Variants in NUP93 observed in about 807,000 individuals in gnomAD.
The protein encoded by NUP93 is nucleoporin 93.
A neutral mutation model predicts 107.8 loss-of-function variants in NUP93; 55 were observed. The observed-to-expected ratio is 0.51, with a 90% CI of 0.41 to 0.64. The LOEUF is 0.64. Among genes scored for constraint, NUP93 ranks in the 30% least tolerant of loss-of-function variants. The pLI is 0.00. For synonymous variants in NUP93, 390 were observed against 397.5 expected, an observed-to-expected ratio of 0.98 and a Z score of 0.22; for missense variants, 937 against 1,044.7, an observed-to-expected ratio of 0.90 and a Z score of 1.42.
chr16:56,778,101 C>T lies in NUP93; in HGVS notation c.297+19446C>T, dbSNP rs139359131. 4.6e-3 allele frequency among the ~76,000 whole-genome samples: 696 copies of T among 152,222 alleles called. 5 individuals carry two copies. The highest frequency in any genetic ancestry group is 0.015 in the African/African-American group (643 of 41,516). ...AAACTGTCCAAGCTGTGAAAAGTGA[C>T]GGACAGACTGAATGAGAGCGACACA... On this transcript the variant is annotated intron_variant, in intron 3 of 21. Coordinates refer to ENST00000308159, the MANE Select transcript of NUP93 (RefSeq NM_014669.5).
chr16:56,806,565 C>G (rs1963146067), intron 5 of NUP93, among the ~76,000 whole-genome samples: 3 of 152,142 alleles, frequency 2.0e-5, no homozygotes, highest in Admixed American at 2.0e-4. Flanking sequence ...CAAGGAGCAT[C>G]TACTCACAAG....
At chr16:56,836,224 A>C (rs1963907288) in intron 16 of NUP93, among the ~76,000 whole-genome samples, 1 of 151,896 alleles carries the variant, frequency 6.6e-6, no homozygotes, top group Non-Finnish European at 1.5e-5. Context: ...CAAATCCAAA[A>C]TTTTTCAGAT....
At chr16:56,836,431 C>CTT (rs1195341084) in intron 16 of NUP93, among the ~76,000 whole-genome samples, 170 bp from the exon 17 acceptor site, 1 of 152,162 alleles carries the variant, frequency 6.6e-6, no homozygotes, top group Non-Finnish European at 1.5e-5. Flanking sequence ...TTTAATAGGA[C>CTT]TTTATATCTT....
At chr16:56,795,416 C>A (rs1962874767) in intron 3 of NUP93, among the ~76,000 whole-genome samples, 1 of 152,090 alleles carries the variant, frequency 6.6e-6, no homozygotes, top group African/African-American at 2.4e-5. Flanking sequence ...TCTGGGTCCC[C>A]TGTGATAGCC....
chr16:56,808,489 T>TATAACTATAAAATATATA (rs1567398747), intron 5 of NUP93, among the ~76,000 whole-genome samples: 14 of 114,806 alleles, frequency 1.2e-4, no homozygotes, highest in South Asian at 2.6e-4. Flanking sequence ...TATATAGTTA[T>TATAACTATAAAATATATA]GTAACTATAT....
intron 3 of NUP93, among the ~76,000 whole-genome samples, chr16:56,774,782 A>C (rs1962382755): frequency 6.6e-6 from 1 of 152,068 alleles, no homozygotes; most frequent in Non-Finnish European, 1.5e-5. Context: ...CCTAGAACCC[A>C]GTTGTTCTGA....
intron 17 of NUP93, 145 bp downstream of exon 17, chr16:56,836,862 A>G (rs1338925446): frequency 1.6e-5 from 9 of 569,832 alleles, no homozygotes; most frequent in Admixed American, 6.8e-5. Context: ...TTAATGGTCC[A>G]GTCAGGACAG....
At chr16:56,818,352 G>A (rs755852760) in intron 5 of NUP93, among the ~76,000 whole-genome samples, 2 of 152,130 alleles carry the variant, frequency 1.3e-5, no homozygotes, top group African/African-American at 2.4e-5. Flanking sequence ...GTAGAGAGGG[G>A]GCTTGAGATT....
intron 3 of NUP93, among the ~76,000 whole-genome samples, chr16:56,771,401 C>T (rs1962319785): frequency 6.6e-6 from 1 of 152,098 alleles, no homozygotes; most frequent in Admixed American, 6.5e-5. Flanking sequence ...TCTTACTTTT[C>T]TTATGCCTTG....
chr16:56,816,390 T>A (rs961833433), intron 5 of NUP93, among the ~76,000 whole-genome samples: 1 of 152,180 alleles, frequency 6.6e-6, no homozygotes, highest in African/African-American at 2.4e-5. Context: ...CCTACCAAGA[T>A]GTCTGCAGGT....
chr16:56,833,876 T>C (rs1963854221), intron 13 of NUP93, among the ~76,000 whole-genome samples: 2 of 152,036 alleles, frequency 1.3e-5, no homozygotes, highest in African/African-American at 4.8e-5. Flanking sequence ...TAATCGTCAG[T>C]TGGATTATGT....
intron 3 of NUP93, among the ~76,000 whole-genome samples, chr16:56,768,155 C>G (rs1201119759): frequency 6.6e-6 from 1 of 152,170 alleles, no homozygotes; most frequent in Non-Finnish European, 1.5e-5. Context: ...GACCGGTGCT[C>G]CTTTGACCAT....
chr16:56,819,520 G>A (rs1158050811), intron 6 of NUP93, among the ~76,000 whole-genome samples: 1 of 152,174 alleles, frequency 6.6e-6, no homozygotes, highest in African/African-American at 2.4e-5. Flanking sequence ...CCACCTCCCA[G>A]ATTCTTTGAG....
intron 3 of NUP93, among the ~76,000 whole-genome samples, chr16:56,762,925 A>T (rs1166687361): frequency 1.3e-5 from 2 of 152,062 alleles, no homozygotes; most frequent in Non-Finnish European, 2.9e-5. Context: ...TCATATAAGG[A>T]CACCAGTCAT....
At chr16:56,834,510 T>C (rs1963870804) in intron 15 of NUP93, 68 bp downstream of exon 15, 2 of 1,523,060 alleles carry the variant, frequency 1.3e-6, no homozygotes, top group East Asian at 2.3e-5. Flanking sequence ...CATTCCGTAT[T>C]GCGTGTTTAC....
intron 21 of NUP93, 54 bp downstream of exon 21, chr16:56,841,887 G>T: frequency 6.2e-7 from 1 of 1,603,336 alleles, no homozygotes; most frequent in Non-Finnish European, 8.5e-7. Context: ...TTCTGGTTTG[G>T]AATCCGTTGC....
chr16:56,731,875 C>T (rs1200698265), intron 1 of NUP93, among the ~76,000 whole-genome samples: 2 of 151,946 alleles, frequency 1.3e-5, no homozygotes, highest in Admixed American at 6.6e-5. Context: ...GCTGTCAGAT[C>T]GTATCATTCC....
chr16:56,828,194 T>TGA (rs773992004), intron 8 of NUP93, among the ~76,000 whole-genome samples: 13 of 113,430 alleles, frequency 1.1e-4, no homozygotes, highest in African/African-American at 4.4e-4. Context: ...CCCTGCCTCT[T>TGA]AAAAAAAAAA....
chr16:56,761,269 A>T (rs1366393024), intron 3 of NUP93, among the ~76,000 whole-genome samples: 1 of 152,126 alleles, frequency 6.6e-6, no homozygotes, highest in Non-Finnish European at 1.5e-5. Context: ...TGCTTAATAA[A>T]CTTCCTATAC....
Sources: allele counts gnomAD v4.1 joint callset (sites outside exome capture counted in the v4.1 genomes callset), GRCh38; gene constraint gnomAD v4.1.1; transcripts MANE v1.5; gene names NCBI Gene and HGNC (gene_info 2026-07-23, HGNC 2026-07-21).